Variants in OST4 observed in about 807,000 individuals in gnomAD.
OST4 encodes the protein oligosaccharyltransferase complex subunit 4, non-catalytic.
Under a neutral mutation model 2.1 loss-of-function variants are expected in OST4, and 3 were observed. That is an observed-to-expected ratio of 1.42 (90% confidence interval 0.65 to 3.67). The LOEUF (loss-of-function observed/expected upper bound fraction) is 3.67. Among genes scored for constraint, OST4 ranks in the 30% most tolerant of loss-of-function variants. The probability of loss-of-function intolerance (pLI) is 0.03; values close to 1 mark genes in which losing one functional copy is unlikely to be tolerated. For synonymous variants in OST4, 23 were observed against 21.6 expected (o/e 1.06, Z -0.18); for missense variants, 52 against 47.1 (o/e 1.10, Z -0.30).
At position 27,071,341 on chromosome 2, in the gene OST4, C is replaced by G. The variant is rs1249844393; in HGVS notation, c.*8G>C. 1 of 1,549,596 alleles carries G rather than the reference C, an allele frequency of 6.5e-7. No individual in the cohort carries two copies. The highest frequency in any genetic ancestry group is 2.0e-5 in the Admixed American group (1 of 50,980). ...GGGCCGTTACCTGGGGCGGAGAAAG[C>G]GCCACTTTCATTCCTGCTTCTTGGG... On this transcript the variant is annotated 3_prime_UTR_variant, in exon 2 of 3. Transcript: ENST00000456793.
chr2:27,071,451 G>C lies in OST4; in HGVS notation c.12C>G (p.Asp4Glu). 6.4e-6 allele frequency: 10 copies of C among 1,551,354 alleles called. No homozygotes were observed. The highest frequency in any genetic ancestry group is 8.7e-6 in the Non-Finnish European group (10 of 1,146,802). The change falls in exon 2 of 3, where the codon GAC becomes GAG. Residue 4 changes from aspartate to glutamate, a missense_variant. Asp to Glu is a conservative substitution (Grantham distance 45, BLOSUM62 2). Coordinates refer to ENST00000456793, the MANE Select transcript of OST4 (RefSeq NM_001134693.2). Reference protein sequence around the residue: MITDVQLAIFANML... With the variant: MITEVQLAIFANML... ...TGTTGGCGAAGATGGCGAGCTGCAC[G>C]TCCGTGATCATCCTGCGGAGAAGAG...
At position 27,070,550 on chromosome 2, in the gene OST4, AT is replaced by A. The variant is rs747761255; in HGVS notation, c.*194del. The A allele has an allele frequency of 2.9e-6, 1 of 347,252 alleles. No homozygotes were observed. Among genetic ancestry groups the A allele is most frequent in the Non-Finnish European group, 5.3e-6 (1 of 189,230 alleles). The allele number at this position is 347,252 out of a possible 1,614,324, so 21.5% of individuals were successfully genotyped here. On this transcript the variant is annotated 3_prime_UTR_variant, in exon 3 of 3. Coordinates refer to ENST00000456793, the MANE Select transcript of OST4 (RefSeq NM_001134693.2). ...AAAGCAAGCCCCTATACTGGGCCCT[AT>A]TCAGTGGCAGCTTCTTGTTCCATAG...
At chr2:27,071,222 G>T in intron 2 of OST4, 104 bp downstream of exon 2, 1 of 717,252 alleles carries the variant, frequency 1.4e-6, no homozygotes, top group Non-Finnish European at 2.4e-6. Flanking sequence ...ACTGTATCAT[G>T]CTTGGCCCGA....
chr2:27,071,538 G>GGCCA (rs1669272246), intron 1 of OST4, 63 bp downstream of exon 1: 8 of 1,206,088 alleles, frequency 6.6e-6, no homozygotes, highest in Non-Finnish European at 9.4e-6. Flanking sequence ...TCGCCCCACG[G>GGCCA]GCCAGCCACG....
Position 27,070,490 on chromosome 2 carries a change from A to G in OST4, c.*255T>C, listed in dbSNP as rs958574586. 7.7e-6 allele frequency: 4 copies of G among 519,688 alleles called. No individual in the cohort carries two copies. The highest frequency in any genetic ancestry group is 1.4e-5 in the Non-Finnish European group (4 of 293,132). 32.2% of individuals were successfully genotyped at this position (519,688 alleles called of 1,614,324 possible). On this transcript the variant is annotated 3_prime_UTR_variant, in exon 3 of 3. Coordinates refer to ENST00000456793, the MANE Select transcript of OST4 (RefSeq NM_001134693.2). Reference sequence around the variant, plus strand: ...CACAAGATTTTGGGACCACAAAAAAAAGTCTATATTTTTATATTGGGGGGA... The same window carrying G: ...CACAAGATTTTGGGACCACAAAAAAGAGTCTATATTTTTATATTGGGGGGA...
intron 2 of OST4, among the ~76,000 whole-genome samples, chr2:27,071,003 C>A (rs1390600789): frequency 6.6e-6 from 1 of 152,180 alleles, no homozygotes; most frequent in African/African-American, 2.4e-5. Context: ...ATTTAAGAGC[C>A]CAAATCCTCA....
chr2:27,070,488 A>G lies in OST4; in HGVS notation c.*257T>C. ...AGCACAAGATTTTGGGACCACAAAA[A>G]AAAGTCTATATTTTTATATTGGGGG... is the stretch of plus-strand genomic sequence containing the variant. On this transcript the variant is annotated 3_prime_UTR_variant, in exon 3 of 3. Transcript: ENST00000456793. 1 of 520,384 alleles carries G rather than the reference A, an allele frequency of 1.9e-6. No homozygotes were observed. Among genetic ancestry groups the G allele is most frequent in the Non-Finnish European group, 3.4e-6 (1 of 293,530 alleles). The allele number at this position is 520,384 out of a possible 1,614,324, so 32.2% of individuals were successfully genotyped here. A position where few individuals can be genotyped will look rare whatever the true frequency, so the allele number is the denominator to read the frequency against.
intron 2 of OST4, 103 bp downstream of exon 2, chr2:27,071,223 C>G: frequency 1.4e-6 from 1 of 723,780 alleles, no homozygotes; most frequent in South Asian, 1.7e-5. Context: ...CTGTATCATG[C>G]TTGGCCCGAC....
Position 27,071,463 on chromosome 2 carries a change from C to T in OST4, c.-1G>A. On this transcript the variant is annotated splice_region_variant and 5_prime_UTR_variant, in exon 2 of 3. Transcript: ENST00000456793. Reference sequence around the variant, plus strand: ...TGGCGAGCTGCACGTCCGTGATCATCCTGCGGAGAAGAGAGGGGCTGAGCT... The same window carrying T: ...TGGCGAGCTGCACGTCCGTGATCATTCTGCGGAGAAGAGAGGGGCTGAGCT... 6.4e-7 allele frequency: 1 copy of T among 1,550,798 alleles called. No homozygotes were observed. The highest frequency in any genetic ancestry group is 8.7e-7 in the Non-Finnish European group (1 of 1,146,400).
Position 27,071,630 on chromosome 2 carries a change from C to A in OST4, c.-31G>T, listed in dbSNP as rs1572841482. The stretch of plus-strand genomic sequence containing the variant: ...CCAGTCCGGCTCGGCTCCGACGCCA[C>A]CAGCGAACAAGCCCGAAGTCAGAGA... On this transcript the variant is annotated 5_prime_UTR_variant, in exon 1 of 3. Transcript: ENST00000456793. 1 of 529,136 alleles carries A rather than the reference C, an allele frequency of 1.9e-6. No homozygotes were observed. The highest frequency in any genetic ancestry group is 3.3e-6 in the Non-Finnish European group (1 of 301,494). The allele number at this position is 529,136 out of a possible 1,614,324, so 32.8% of individuals were successfully genotyped here. A position where few individuals can be genotyped will look rare whatever the true frequency, so the allele number is the denominator to read the frequency against.
At chr2:27,071,195 A>T (rs1669261968) in intron 2 of OST4, 131 bp downstream of exon 2, 1 of 617,472 alleles carries the variant, frequency 1.6e-6, no homozygotes, top group South Asian at 1.9e-5. Flanking sequence ...TGTGCAGACA[A>T]AGGGGCCCAG....
intron 2 of OST4, 66 bp downstream of exon 2, chr2:27,071,260 T>TGCTA (rs1669263821): frequency 2.0e-6 from 2 of 1,008,672 alleles, no homozygotes; most frequent in Admixed American, 4.1e-5. Flanking sequence ...TTTCGAACCC[T>TGCTA]GCTAGCCCTG....
chr2:27,071,241 G>T, intron 2 of OST4, 85 bp downstream of exon 2: 1 of 811,184 alleles, frequency 1.2e-6, no homozygotes, highest in Non-Finnish European at 2.0e-6. Context: ...GACACTTTCT[G>T]ATTGTAAGTT....
intron 2 of OST4, among the ~76,000 whole-genome samples, chr2:27,071,086 G>A (rs1005998659): frequency 2.6e-5 from 4 of 152,164 alleles, no homozygotes; most frequent in Admixed American, 2.6e-4. Context: ...CTCCCAACTT[G>A]GGCATCTACC....
intron 2 of OST4, 124 bp from the exon 3 acceptor site, chr2:27,070,845 C>T (rs1669248456): frequency 6.4e-6 from 1 of 156,082 alleles, no homozygotes; most frequent in Non-Finnish European, 1.4e-5. Flanking sequence ...AAGGCTGGCT[C>T]CAAAGCCCCC....
At position 27,071,394 on chromosome 2, in the gene OST4, AACG is replaced by A; in HGVS notation, c.66_68del (p.Val23del). The A allele has an allele frequency of 6.4e-7, 1 of 1,551,682 alleles. No homozygotes were observed. Among genetic ancestry groups the A allele is most frequent in the Non-Finnish European group, 8.7e-7 (1 of 1,146,972 alleles). ...TGTTGACGGCCACGTAGTGATAGAG[AACG>A]ACAAGCAAGAAGAGCGACACGCCCA... On this transcript the variant is annotated inframe_deletion, in exon 2 of 3. Coordinates refer to ENST00000456793, the MANE Select transcript of OST4 (RefSeq NM_001134693.2).
At chr2:27,071,232 A>G in intron 2 of OST4, 94 bp downstream of exon 2, 1 of 762,012 alleles carries the variant, frequency 1.3e-6, no homozygotes, top group Non-Finnish European at 2.2e-6. Flanking sequence ...GCTTGGCCCG[A>G]CACTTTCTGA....
At position 27,071,583 on chromosome 2, in the gene OST4, C is replaced by A. The variant is rs1269775240; in HGVS notation, c.-2+18G>T. 1 of 673,566 alleles carries A rather than the reference C, an allele frequency of 1.5e-6. No homozygotes were observed. The highest frequency in any genetic ancestry group is 2.5e-6 in the Non-Finnish European group (1 of 405,224). The allele number at this position is 673,566 out of a possible 1,614,324, so 41.7% of individuals were successfully genotyped here. On this transcript the variant is annotated intron_variant, in intron 1 of 2. Coordinates refer to ENST00000456793, the MANE Select transcript of OST4 (RefSeq NM_001134693.2). ...ACGGCGGGGCTGGCCCGTGGGACGG[C>A]CCCTGCGTGCCTCTGACCTGACCAG...
At chr2:27,071,535 A>G (rs1267240197) in intron 1 of OST4, 66 bp downstream of exon 1, 2 of 1,229,980 alleles carry the variant, frequency 1.6e-6, no homozygotes, top group African/African-American at 3.0e-5. Flanking sequence ...TCCTCGCCCC[A>G]CGGGCCAGCC....
Sources: gnomAD v4.1 joint callset for allele counts (sites outside exome capture counted in the v4.1 genomes callset) on GRCh38, gnomAD v4.1.1 for gene constraint, MANE v1.5 for transcripts, NCBI Gene and HGNC (gene_info 2026-07-23, HGNC 2026-07-21) for gene names.